The following UNC93A variants were observed in gnomAD, a reference collection of about 807,000 sequenced individuals.
The protein encoded by UNC93A is N-acetylglucosamine transporter UNC93A.
Under a neutral mutation model 47.5 loss-of-function variants are expected in UNC93A, and 43 were observed. The ratio of observed to expected loss-of-function variants is 0.91; its 90% CI spans 0.71 to 1.17. The LOEUF is 1.17. Ranked by LOEUF, UNC93A falls within the 50% of genes most tolerant of loss-of-function variation. The pLI is 0.00. For synonymous variants in UNC93A, 280 were observed against 258.0 expected (o/e 1.09, Z -0.82); for missense variants, 605 against 577.6 (o/e 1.05, Z -0.49).
chr6:167,294,921 TCTC>T (rs1778011628), intron 2 of UNC93A, among the ~76,000 whole-genome samples: 1 of 151,972 alleles, frequency 6.6e-6, no homozygotes, highest in Non-Finnish European at 1.5e-5. Flanking sequence ...ACTGCTTCTG[TCTC>T]CTCCTCCCGA....
At position 167,304,142 on chromosome 6, in the gene UNC93A, G is replaced by A. The variant is rs368223242; in HGVS notation, c.840+9G>A. On this transcript the variant is annotated intron_variant, in intron 5 of 7. Coordinates refer to ENST00000230256, the MANE Select transcript of UNC93A (RefSeq NM_018974.4). ...CCAGCGAATACACAAGGGTATGAAC[G>A]AAAGTGAGGGCCGGTGGCTCAGGCC... is the stretch of plus-strand genomic sequence containing the variant. The A allele has an allele frequency of 1.5e-5, 24 of 1,613,876 alleles. No individual in the cohort carries two copies. The highest frequency in any genetic ancestry group is 4.5e-5 in the East Asian group (2 of 44,896).
chr6:167,304,450 A>G (rs1235438751), intron 5 of UNC93A, among the ~76,000 whole-genome samples: 1 of 152,198 alleles, frequency 6.6e-6, no homozygotes, highest in Non-Finnish European at 1.5e-5. Context: ...ACAGACACTC[A>G]TCGGTGTTAC....
chr6:167,305,036 G>A (rs1047889312), intron 5 of UNC93A, among the ~76,000 whole-genome samples: 89 of 152,314 alleles, frequency 5.8e-4, no homozygotes, highest in Admixed American at 9.8e-4. Context: ...AGAGCTGGGG[G>A]CCAGAGCTGG....
intron 1 of UNC93A, among the ~76,000 whole-genome samples, chr6:167,283,691 C>T (rs1212940): frequency 0.034 from 5,118 of 152,218 alleles, 291 homozygotes; most frequent in African/African-American, 0.11. Flanking sequence ...TTGAGATACA[C>T]ACACACACCT....
chr6:167,283,166 CA>C (rs1280703859), intron 1 of UNC93A, among the ~76,000 whole-genome samples: 2 of 152,140 alleles, frequency 1.3e-5, no homozygotes, highest in African/African-American at 2.4e-5. Flanking sequence ...CCCTGCAAGA[CA>C]CAGCTTTGCA....
Position 167,304,133 on chromosome 6 carries a change from G to A in UNC93A, c.840G>A (p.Arg280=), listed in dbSNP as rs141594858. The part of the protein sequence containing the change: ...QQGFLSSEYT[R]SYVTCTLGIQ... Reference sequence around the variant, plus strand: ...GATTCCTCTCCAGCGAATACACAAGGGTATGAACGAAAGTGAGGGCCGGTG... The same window carrying A: ...GATTCCTCTCCAGCGAATACACAAGAGTATGAACGAAAGTGAGGGCCGGTG... Residue 280 remains arginine, a splice_region_variant and synonymous_variant, in exon 5 of 8, where the codon AGG becomes AGA. Coordinates refer to ENST00000230256, the MANE Select transcript of UNC93A (RefSeq NM_018974.4). The A allele has an allele frequency of 4.3e-6, 7 of 1,614,020 alleles. No homozygotes were observed. The African/African-American group carries it at 8.0e-5, about 18-fold the overall frequency.
At chr6:167,290,723 C>T (rs1378305619), upstream of UNC93A, among the ~76,000 whole-genome samples, 1 of 152,178 alleles carries the variant, frequency 6.6e-6, no homozygotes, top group Non-Finnish European at 1.5e-5. Context: ...TACTGGACAA[C>T]ACTGCCCCAG....
At chr6:167,307,992 C>A in intron 7 of UNC93A, 82 bp downstream of exon 7, 2 of 1,559,504 alleles carry the variant, frequency 1.3e-6, no homozygotes, top group Non-Finnish European at 8.7e-7. Flanking sequence ...TCATTAGATG[C>A]CAATGGGCCA....
upstream of UNC93A, among the ~76,000 whole-genome samples, chr6:167,286,747 G>A (rs1204628776): frequency 4.6e-5 from 7 of 152,088 alleles, no homozygotes; most frequent in Admixed American, 4.6e-4. Context: ...GGAGGCCGAG[G>A]CGGGCGGATT....
At chr6:167,280,870 C>T (rs998469947) in intron 1 of UNC93A, among the ~76,000 whole-genome samples, 7 of 152,102 alleles carry the variant, frequency 4.6e-5, no homozygotes, top group African/African-American at 1.4e-4. Context: ...CAGGCAGGCC[C>T]TTAACTTGAA....
intron 4 of UNC93A, among the ~76,000 whole-genome samples, chr6:167,302,037 A>G (rs1329557323): frequency 6.6e-6 from 1 of 152,240 alleles, no homozygotes; most frequent in East Asian, 1.9e-4. Flanking sequence ...GTTATGAAAT[A>G]GGAAGGGGAA....
chr6:167,306,887 A>T (rs1778411951), intron 6 of UNC93A, among the ~76,000 whole-genome samples: 1 of 152,174 alleles, frequency 6.6e-6, no homozygotes, highest in African/African-American at 2.4e-5. Context: ...GTCAATGGGC[A>T]GCCTCATTAC....
chr6:167,287,994 C>T, upstream of UNC93A, among the ~76,000 whole-genome samples: 1 of 152,172 alleles, frequency 6.6e-6, no homozygotes, highest in Non-Finnish European at 1.5e-5. Context: ...CCTTGACGGT[C>T]TTGGCTGGGT....
chr6:167,310,883 A>G (rs890640782), intron 7 of UNC93A, among the ~76,000 whole-genome samples: 1 of 152,036 alleles, frequency 6.6e-6, no homozygotes, highest in African/African-American at 2.4e-5. Flanking sequence ...TCTGTCTCAC[A>G]AAAAAAATGT....
intron 2 of UNC93A, among the ~76,000 whole-genome samples, chr6:167,295,388 C>T (rs908872083): frequency 4.7e-4 from 72 of 151,972 alleles, no homozygotes; most frequent in African/African-American, 1.6e-3. Flanking sequence ...CGGCCTCCCT[C>T]GTGCTCCTCG....
At chr6:167,306,651 C>A (rs1242504522) in intron 6 of UNC93A, among the ~76,000 whole-genome samples, 1 of 152,232 alleles carries the variant, frequency 6.6e-6, no homozygotes, top group Non-Finnish European at 1.5e-5. Flanking sequence ...AGAGGAAGGG[C>A]ACACGGTGAG....
chr6:167,308,636 C>A (rs111348525), intron 7 of UNC93A, among the ~76,000 whole-genome samples: 1 of 147,070 alleles, frequency 6.8e-6, no homozygotes, highest in Non-Finnish European at 1.5e-5. Flanking sequence ...CCTAAGAAGG[C>A]GGCCTGGGGG....
At chr6:167,271,000 G>A (rs1316051004), upstream of UNC93A, among the ~76,000 whole-genome samples, 3 of 152,214 alleles carry the variant, frequency 2.0e-5, no homozygotes, top group African/African-American at 4.8e-5. Context: ...TGCCACGTGG[G>A]CGGAGGCCTG....
chr6:167,296,301 C>T, intron 3 of UNC93A, 40 bp downstream of exon 3: 1 of 1,599,666 alleles, frequency 6.3e-7, no homozygotes, highest in Non-Finnish European at 8.6e-7. Context: ...CCAAGTGGAG[C>T]AGGGGTTTCA....
Sources: allele counts gnomAD v4.1 joint callset (sites outside exome capture counted in the v4.1 genomes callset), GRCh38; gene constraint gnomAD v4.1.1; transcripts MANE v1.5; gene names NCBI Gene and HGNC (gene_info 2026-07-23, HGNC 2026-07-21).